BCL2: variants seen among roughly 807,000 people sequenced by gnomAD.
The protein encoded by BCL2 is BCL2 apoptosis regulator, also known as apoptosis regulator Bcl-2.
In BCL2, 1 loss-of-function variant was observed where a neutral mutation model predicts 14.2. The observed-to-expected ratio is 0.07, with a 90% CI of 0.02 to 0.33. BCL2 has a LOEUF of 0.33. Ranked by LOEUF, BCL2 falls within the 10% of genes least tolerant of loss-of-function variation. BCL2 has a pLI of 0.99. For missense variants in BCL2, 247 were observed against 305.9 expected (o/e 0.81, Z 1.44); for synonymous variants, 151 against 137.2 (o/e 1.10, Z -0.70).
chr18:63,271,931 G>A lies in BCL2; in HGVS notation c.585+46151C>T, dbSNP rs4987741. ...CTGGTATGAACCACCGTGCAGGTAC[G>A]TAAGAAGTTCCTCCTTCTGCTTCCC... On this transcript the variant is annotated intron_variant, in intron 2 of 2. Coordinates refer to ENST00000333681, the MANE Select transcript of BCL2 (RefSeq NM_000633.3). 9.3e-3 allele frequency among the ~76,000 whole-genome samples: 1,413 copies of A among 152,296 alleles called. 21 individuals carry two copies. The highest frequency in any genetic ancestry group is 0.033 in the African/African-American group (1,358 of 41,562).
chr18:63,280,011 G>A (rs958541055), intron 2 of BCL2, among the ~76,000 whole-genome samples: 1 of 152,164 alleles, frequency 6.6e-6, no homozygotes. Flanking sequence ...GCAATGCCCT[G>A]TTTCTTTTAC....
chr18:63,159,457 T>C (rs1914864074), intron 2 of BCL2, among the ~76,000 whole-genome samples: 1 of 152,252 alleles, frequency 6.6e-6, no homozygotes, highest in South Asian at 2.1e-4. Flanking sequence ...GGATTTCTTT[T>C]AGAAGCAGAG....
At chr18:63,284,613 C>T (rs755620905) in intron 2 of BCL2, among the ~76,000 whole-genome samples, 7 of 152,202 alleles carry the variant, frequency 4.6e-5, no homozygotes, top group Non-Finnish European at 1.0e-4. Context: ...CGACAGGGTA[C>T]TTTAAACAAC....
At chr18:63,297,219 A>AAAAG (rs1005026657) in intron 2 of BCL2, among the ~76,000 whole-genome samples, 3 of 152,172 alleles carry the variant, frequency 2.0e-5, no homozygotes, top group African/African-American at 4.8e-5. Flanking sequence ...TCTCAAAAAA[A>AAAAG]AAAGAAAGAA....
intron 2 of BCL2, among the ~76,000 whole-genome samples, chr18:63,249,864 C>T (rs181744395): frequency 3.1e-3 from 478 of 152,208 alleles, no homozygotes; most frequent in Non-Finnish European, 3.8e-3. Context: ...TCTTCCTCCC[C>T]GTCTACTTGG....
At chr18:63,310,590 T>G (rs1303123304) in intron 2 of BCL2, among the ~76,000 whole-genome samples, 2 of 152,208 alleles carry the variant, frequency 1.3e-5, no homozygotes, top group Non-Finnish European at 2.9e-5. Flanking sequence ...AAAAGTTATC[T>G]TAGACATTTT....
At chr18:63,276,324 T>G (rs1318791208) in intron 2 of BCL2, among the ~76,000 whole-genome samples, 2 of 150,448 alleles carry the variant, frequency 1.3e-5, no homozygotes, top group East Asian at 1.9e-4. Flanking sequence ...TCTCATTACA[T>G]GCAAACAAAA....
chr18:63,291,313 AATT>A (rs989231820), intron 2 of BCL2, among the ~76,000 whole-genome samples: 1 of 152,168 alleles, frequency 6.6e-6, no homozygotes, highest in Non-Finnish European at 1.5e-5. Context: ...TCCCCAAATG[AATT>A]ATTATTTTGA....
chr18:63,160,912 G>A (rs1914904667), intron 2 of BCL2, among the ~76,000 whole-genome samples: 1 of 152,168 alleles, frequency 6.6e-6, no homozygotes, highest in South Asian at 2.1e-4. Flanking sequence ...GTGCCAGGCA[G>A]CTCTAGACTT....
At chr18:63,150,359 C>T (rs12964150) in intron 2 of BCL2, among the ~76,000 whole-genome samples, 90,782 of 152,164 alleles carry the variant, frequency 0.6, 27,958 homozygotes, top group African/African-American at 0.75. Context: ...AGTGAATGCA[C>T]TCTGCTCCTA....
chr18:63,236,822 G>C (rs1910847840), intron 2 of BCL2, among the ~76,000 whole-genome samples: 1 of 152,178 alleles, frequency 6.6e-6, no homozygotes, highest in African/African-American at 2.4e-5. Context: ...AGGGGCATTA[G>C]CTCTGAGATC....
chr18:63,246,025 T>C (rs1911142497), intron 2 of BCL2, among the ~76,000 whole-genome samples: 1 of 152,162 alleles, frequency 6.6e-6, no homozygotes, highest in African/African-American at 2.4e-5. Context: ...ATGAGAGCTC[T>C]AGAGAGTGGG....
At chr18:63,180,550 C>G (rs1915459156) in intron 2 of BCL2, among the ~76,000 whole-genome samples, 1 of 141,140 alleles carries the variant, frequency 7.1e-6, no homozygotes, top group South Asian at 2.6e-4. Flanking sequence ...GGCTTAATCT[C>G]CATGGCGTTT....
chr18:63,200,498 T>G (rs1909658577), intron 2 of BCL2, among the ~76,000 whole-genome samples: 1 of 152,114 alleles, frequency 6.6e-6, no homozygotes, highest in Admixed American at 6.5e-5. Context: ...GACAACAGAT[T>G]GTCAAAGCCA....
At chr18:63,266,637 T>TCTCTCA (rs1491465885) in intron 2 of BCL2, among the ~76,000 whole-genome samples, 1 of 86,012 alleles carries the variant, frequency 1.2e-5, no homozygotes, top group Non-Finnish European at 2.8e-5. Flanking sequence ...TCTCTCTCTC[T>TCTCTCA]CACACACACA....
chr18:63,214,638 A>AG (rs1246298479), intron 2 of BCL2, among the ~76,000 whole-genome samples: 6 of 152,110 alleles, frequency 3.9e-5, no homozygotes, highest in Non-Finnish European at 8.8e-5. Flanking sequence ...TAATAAAAAA[A>AG]AAAATCATGC....
intron 2 of BCL2, among the ~76,000 whole-genome samples, chr18:63,247,964 G>C (rs1911200177): frequency 6.6e-6 from 1 of 152,058 alleles, no homozygotes; most frequent in Non-Finnish European, 1.5e-5. Context: ...AAAATCATGG[G>C]AATAAGAAAC....
intron 2 of BCL2, among the ~76,000 whole-genome samples, chr18:63,239,494 C>A (rs903034818): frequency 6.6e-6 from 1 of 152,202 alleles, no homozygotes; most frequent in Admixed American, 6.5e-5. Flanking sequence ...GTAATCACAG[C>A]CCTTTGGGAG....
intron 2 of BCL2, among the ~76,000 whole-genome samples, chr18:63,223,961 A>G (rs1269972725): frequency 6.6e-6 from 1 of 152,228 alleles, no homozygotes; most frequent in East Asian, 1.9e-4. Context: ...TGGAGGAGAC[A>G]GAGACCAGGA....
Sources: allele counts gnomAD v4.1 joint callset (sites outside exome capture counted in the v4.1 genomes callset), GRCh38; gene constraint gnomAD v4.1.1; transcripts MANE v1.5; gene names NCBI Gene and HGNC (gene_info 2026-07-23, HGNC 2026-07-21).